Variants in RNFT2 observed in about 807,000 individuals in gnomAD.
The protein encoded by RNFT2 is E3 ubiquitin-protein ligase RNFT2.
Under a neutral mutation model 53.0 loss-of-function variants are expected in RNFT2, and 36 were observed. The observed-to-expected ratio is 0.68, with a 90% CI of 0.52 to 0.90. The LOEUF is 0.90. Among genes scored for constraint, RNFT2 ranks in the 40% least tolerant of loss-of-function variants. The pLI is 0.00. For missense variants in RNFT2, 514 were observed against 585.6 expected (o/e 0.88, Z 1.26); for synonymous variants, 260 against 253.2 (o/e 1.03, Z -0.26).
intron 7 of RNFT2, among the ~76,000 whole-genome samples, chr12:116,820,736 A>C (rs1592978519): frequency 6.6e-6 from 1 of 152,118 alleles, no homozygotes; most frequent in South Asian, 2.1e-4. Context: ...TCCCGGCTCC[A>C]CCACTGTCTA....
In RNFT2 at chr12:116,851,200, A is replaced by T. The variant is rs538620718; in HGVS notation, c.*1752A>T. 6.6e-6 allele frequency: 1 copy of T among 152,594 alleles called. No individual in the cohort carries two copies. Among genetic ancestry groups the T allele is most frequent in the Admixed American group, 6.5e-5 (1 of 15,328 alleles). The allele number at this position is 152,594 out of a possible 1,614,324, so 9.5% of individuals were successfully genotyped here. On this transcript the variant is annotated 3_prime_UTR_variant, in exon 11 of 11. Coordinates refer to ENST00000257575, the MANE Select transcript of RNFT2 (RefSeq NM_001382266.1). ...GCCAAGTTTCCAACAGAGGCCTGGT[A>T]CAGTTTCAGAACCCACATCTAAAAA...
At chr12:116,766,443 C>T (rs1281174808) in intron 5 of RNFT2, among the ~76,000 whole-genome samples, 1 of 152,120 alleles carries the variant, frequency 6.6e-6, no homozygotes, top group African/African-American at 2.4e-5. Context: ...CTAAGATATA[C>T]CCATTTTACA....
intron 7 of RNFT2, among the ~76,000 whole-genome samples, chr12:116,780,670 C>CAAA (rs534092869): frequency 0.019 from 1,921 of 100,158 alleles, 53 homozygotes; most frequent in African/African-American, 0.056. Context: ...GGCATAAAGA[C>CAAA]AAAAAAAAAA....
At chr12:116,750,903 TATATA>T (rs1566069616) in intron 4 of RNFT2, among the ~76,000 whole-genome samples, 24,898 of 52,058 alleles carry the variant, frequency 0.48, 4,102 homozygotes, top group South Asian at 0.53. Context: ...TATATATATA[TATATA>T]TTTTTTTTTG....
intron 6 of RNFT2, among the ~76,000 whole-genome samples, chr12:116,771,460 T>TA (rs35911608): frequency 3.4e-4 from 22 of 64,116 alleles, no homozygotes; most frequent in South Asian, 1.5e-3. Flanking sequence ...ATCCTATCGT[T>TA]AAAAAAAAAA....
chr12:116,773,380 A>G (rs535161448), intron 6 of RNFT2, among the ~76,000 whole-genome samples: 61 of 152,200 alleles, frequency 4.0e-4, no homozygotes, highest in Admixed American at 9.2e-4. Context: ...TCCTTTAGGC[A>G]TTGTTCCATG....
At chr12:116,788,581 ATTGT>A (rs1874046080) in intron 7 of RNFT2, among the ~76,000 whole-genome samples, 1 of 152,014 alleles carries the variant, frequency 6.6e-6, no homozygotes, top group African/African-American at 2.4e-5. Flanking sequence ...TCTGACTGTA[ATTGT>A]TTGTTTAAAT....
At chr12:116,839,699 T>G (rs1877155491) in intron 10 of RNFT2, among the ~76,000 whole-genome samples, 1 of 137,708 alleles carries the variant, frequency 7.3e-6, no homozygotes, top group Non-Finnish European at 1.5e-5. Context: ...ACAGTGTGGG[T>G]GAGCAAATGA....
At chr12:116,809,157 CAG>C (rs920650564) in intron 7 of RNFT2, among the ~76,000 whole-genome samples, 1 of 151,928 alleles carries the variant, frequency 6.6e-6, no homozygotes, top group African/African-American at 2.4e-5. Context: ...CTGAAGAACA[CAG>C]AGGCTGGGCA....
Position 116,740,467 on chromosome 12 carries a change from C to T in RNFT2, c.-31C>T, listed in dbSNP as rs1484814161. ...CCTGAGGATTCCCGAATGCCTACCT[C>T]CAGTGTCGTCAACATGGAGTTCTGA... On this transcript the variant is annotated 5_prime_UTR_variant, in exon 2 of 11. Transcript: ENST00000257575. 6.4e-7 allele frequency: 1 copy of T among 1,565,642 alleles called. No homozygotes were observed. The highest frequency in any genetic ancestry group is 1.7e-4 in the Middle Eastern group (1 of 6,002).
At chr12:116,795,467 A>G (rs1874460038) in intron 7 of RNFT2, among the ~76,000 whole-genome samples, 1 of 152,014 alleles carries the variant, frequency 6.6e-6, no homozygotes, top group Non-Finnish European at 1.5e-5. Flanking sequence ...AAGATCCGGG[A>G]ACTGCGCTGT....
chr12:116,791,885 G>A (rs1371889242), intron 7 of RNFT2, among the ~76,000 whole-genome samples: 5 of 152,202 alleles, frequency 3.3e-5, no homozygotes, highest in East Asian at 3.9e-4. Context: ...CATGCCCAGC[G>A]GAAGAAAATG....
At chr12:116,768,424 T>G (rs973245783) in intron 6 of RNFT2, among the ~76,000 whole-genome samples, 4 of 152,154 alleles carry the variant, frequency 2.6e-5, no homozygotes, top group African/African-American at 9.7e-5. Context: ...TATATTACAG[T>G]CATGTGTCAC....
chr12:116,810,875 T>C (rs1315574099), intron 7 of RNFT2, among the ~76,000 whole-genome samples: 1 of 152,160 alleles, frequency 6.6e-6, no homozygotes, highest in Non-Finnish European at 1.5e-5. Context: ...TCTCCTTCCC[T>C]GGAGAGAAGA....
At chr12:116,833,733 A>T in intron 7 of RNFT2, 59 bp from the exon 8 acceptor site, 1 of 1,594,838 alleles carries the variant, frequency 6.3e-7, no homozygotes, top group Non-Finnish European at 8.6e-7. Context: ...GGGGCCCCCC[A>T]GCTGGGTCCT....
At chr12:116,793,527 T>C (rs1281323907) in intron 7 of RNFT2, among the ~76,000 whole-genome samples, 1 of 152,136 alleles carries the variant, frequency 6.6e-6, no homozygotes, top group African/African-American at 2.4e-5. Context: ...TGCATTTGCC[T>C]GGCCTGGCTC....
At chr12:116,832,918 T>TC (rs1227792436) in intron 7 of RNFT2, among the ~76,000 whole-genome samples, 1 of 147,558 alleles carries the variant, frequency 6.8e-6, no homozygotes, top group Admixed American at 6.8e-5. Context: ...TTTTTTTTTT[T>TC]TTTTGAGATG....
chr12:116,740,414 C>A lies in RNFT2; in HGVS notation c.-84C>A, dbSNP rs1162973600. 1 of 1,387,328 alleles carries A rather than the reference C, an allele frequency of 7.2e-7. No individual in the cohort carries two copies. Among genetic ancestry groups the A allele is most frequent in the Non-Finnish European group, 1.0e-6 (1 of 998,312 alleles). 85.9% of individuals were successfully genotyped at this position (1,387,328 alleles called of 1,614,324 possible). On this transcript the variant is annotated 5_prime_UTR_variant, in exon 2 of 11. Transcript: ENST00000257575. Reference sequence around the variant, plus strand: ...AGACGAAGAGGAGGGGGAGGCCTGTCCTCTCTGGGATCCATTGGTCACATC... The same window carrying A: ...AGACGAAGAGGAGGGGGAGGCCTGTACTCTCTGGGATCCATTGGTCACATC...
At chr12:116,806,397 T>TGG (rs1555207591) in intron 7 of RNFT2, among the ~76,000 whole-genome samples, 1 of 131,652 alleles carries the variant, frequency 7.6e-6, no homozygotes, top group Non-Finnish European at 1.5e-5. Context: ...TATATATATA[T>TGG]ATAGATAGAT....
Sources: gnomAD v4.1 joint callset for allele counts (sites outside exome capture counted in the v4.1 genomes callset) on GRCh38, gnomAD v4.1.1 for gene constraint, MANE v1.5 for transcripts, NCBI Gene and HGNC (gene_info 2026-07-23, HGNC 2026-07-21) for gene names.